The following ERC1 variants were observed in gnomAD, a reference collection of about 807,000 sequenced individuals.
ERC1 encodes ELKS/RAB6-interacting/CAST family member 1, also known as RAB6 interacting protein 2.
In ERC1, 56 loss-of-function variants were observed where a neutral mutation model predicts 132.0. The ratio of observed to expected loss-of-function variants is 0.42; its 90% CI spans 0.34 to 0.53. The LOEUF is 0.53. ERC1 is among the 20% of genes least tolerant of loss of function. The pLI, the probability that ERC1 is intolerant of heterozygous loss-of-function variation, is 0.03. For synonymous variants in ERC1, 478 were observed against 476.1 expected (o/e 1.00, Z -0.05); for missense variants, 1,202 against 1,349.9 (o/e 0.89, Z 1.72).
intron 16 of ERC1, among the ~76,000 whole-genome samples, chr12:1,395,107 A>G (rs1294748615): frequency 2.0e-5 from 3 of 152,218 alleles, no homozygotes; most frequent in Non-Finnish European, 2.9e-5. Flanking sequence ...ATTGGATTGC[A>G]TTAGGTTTAT....
chr12:1,107,465 A>G (rs1945385588), intron 4 of ERC1, among the ~76,000 whole-genome samples: 1 of 152,156 alleles, frequency 6.6e-6, no homozygotes, highest in Admixed American at 6.5e-5. Context: ...ATTCTCTGTG[A>G]GGTTGAACAG....
In ERC1 at chr12:1,138,209, T is replaced by TATATATATCATATATA. The variant is rs1184750374; in HGVS notation, c.1570-3409_1570-3408insATATATCATATATAAT. Among the ~76,000 whole-genome samples the TATATATATCATATATA allele has an allele frequency of 3.0e-4, 34 of 113,208 alleles. No homozygotes were observed. The South Asian group carries it at 7.9e-3, about 26-fold the overall frequency. The allele number at this position is 113,208 out of a possible 152,430, so 74.3% of individuals were successfully genotyped here. On this transcript the variant is annotated intron_variant, in intron 7 of 18. Transcript: ENST00000360905. ...ATCATATATAATTATATATGATATA[T>TATATATATCATATATA]ATTATATAATATATATCATGTATAA...
chr12:1,313,307 G>A (rs1318455399), intron 15 of ERC1, among the ~76,000 whole-genome samples: 31 of 152,152 alleles, frequency 2.0e-4, no homozygotes, highest in African/African-American at 1.2e-4. Flanking sequence ...ACTTTGTAGC[G>A]TGCCCACCCT....
chr12:1,325,133 C>CAG (rs2082359942), intron 15 of ERC1, among the ~76,000 whole-genome samples: 1 of 152,162 alleles, frequency 6.6e-6, no homozygotes, highest in African/African-American at 2.4e-5. Context: ...AGAAGCTCTT[C>CAG]AGCTTCCCTT....
intron 13 of ERC1, among the ~76,000 whole-genome samples, chr12:1,260,155 G>A (rs1448688981): frequency 6.6e-6 from 1 of 152,042 alleles, no homozygotes; most frequent in African/African-American, 2.4e-5. Flanking sequence ...TTTTTGGGGG[G>A]ATTTTGCATT....
intron 16 of ERC1, among the ~76,000 whole-genome samples, chr12:1,383,864 T>C (rs2089003836): frequency 6.6e-6 from 1 of 152,220 alleles, no homozygotes; most frequent in African/African-American, 2.4e-5. Context: ...TTGAGTTCTT[T>C]ATGTGAATTA....
At chr12:1,377,699 T>C (rs562288455) in intron 16 of ERC1, among the ~76,000 whole-genome samples, 2 of 152,358 alleles carry the variant, frequency 1.3e-5, no homozygotes, top group East Asian at 1.9e-4. Context: ...ATATCATCTA[T>C]CTTTTCCTCC....
At chr12:1,358,759 A>G (rs2085784700) in intron 15 of ERC1, among the ~76,000 whole-genome samples, 1 of 152,162 alleles carries the variant, frequency 6.6e-6, no homozygotes, top group South Asian at 2.1e-4. Context: ...AGACTGAATT[A>G]TGTCTTAAAT....
At chr12:1,387,068 T>TTTTGGAATGAGAATGTCTATTATA (rs2089455816) in intron 16 of ERC1, 2 of 151,444 alleles carry the variant, frequency 1.3e-5, no homozygotes, top group African/African-American at 4.9e-5. Flanking sequence ...AGTTTTTCCC[T>TTTTGGAATGAGAATGTCTATTATA]TTTGGAATGA....
At chr12:1,047,237 A>G (rs568492527) in intron 2 of ERC1, among the ~76,000 whole-genome samples, 2 of 152,326 alleles carry the variant, frequency 1.3e-5, no homozygotes, top group African/African-American at 4.8e-5. Context: ...TTTCTCTATC[A>G]TAAATATTTA....
chr12:1,384,139 A>G (rs913062184), intron 16 of ERC1, among the ~76,000 whole-genome samples: 35 of 152,246 alleles, frequency 2.3e-4, no homozygotes, highest in Non-Finnish European at 1.6e-4. Context: ...ACTCTGTTGT[A>G]ATAAATAGTA....
At chr12:1,420,297 A>G (rs965858355) in intron 17 of ERC1, among the ~76,000 whole-genome samples, 13 of 152,318 alleles carry the variant, frequency 8.5e-5, no homozygotes, top group African/African-American at 2.2e-4. Context: ...CAATAGAGAT[A>G]CAAATTTGGA....
chr12:1,219,138 G>A (rs747401972), intron 12 of ERC1, among the ~76,000 whole-genome samples: 10 of 152,110 alleles, frequency 6.6e-5, no homozygotes, highest in Non-Finnish European at 1.5e-4. Context: ...CTCCCAAAGT[G>A]CTGGAATTAC....
intron 7 of ERC1, among the ~76,000 whole-genome samples, chr12:1,121,540 AT>A (rs1947083561): frequency 6.6e-6 from 1 of 152,204 alleles, no homozygotes; most frequent in South Asian, 2.1e-4. Flanking sequence ...GAAGAGAAAG[AT>A]GTATTGATTG....
intron 1 of ERC1, among the ~76,000 whole-genome samples, chr12:1,004,050 G>A (rs1962988935): frequency 6.6e-6 from 1 of 152,098 alleles, no homozygotes; most frequent in African/African-American, 2.4e-5. Flanking sequence ...AGGAAGATAG[G>A]GAAGAGGTGA....
chr12:1,338,880 C>G lies in ERC1; in HGVS notation c.2781-32953C>G, dbSNP rs1036507726. On this transcript the variant is annotated intron_variant, in intron 15 of 18. Transcript: ENST00000360905. ...TTGGGGGACTTATATTGGGCAATGA[C>G]TTTGTTCTCTGGCTCCTCTGAGGTT... is the stretch of plus-strand genomic sequence containing the variant. Among the ~76,000 whole-genome samples the G allele has an allele frequency of 3.9e-5, 6 of 152,184 alleles. No homozygotes were observed. The East Asian group carries it at 1.2e-3, about 29-fold the overall frequency.
intron 13 of ERC1, among the ~76,000 whole-genome samples, chr12:1,242,144 G>T (rs918855289): frequency 6.6e-6 from 1 of 151,890 alleles, no homozygotes; most frequent in Non-Finnish European, 1.5e-5. Flanking sequence ...CAGCCTTTTT[G>T]CATTTCTTTT....
chr12:1,483,297 CA>C (rs1398808990), intron 18 of ERC1, among the ~76,000 whole-genome samples: 7 of 151,766 alleles, frequency 4.6e-5, no homozygotes, highest in African/African-American at 1.5e-4. Context: ...GACCCTGTCT[CA>C]AAAATAAAAA....
rs925024629 is a variant in ERC1 at position 1,298,312 on chromosome 12, C to T, written c.2780+8300C>T. Among the ~76,000 whole-genome samples, 6 of 152,010 alleles carry T rather than the reference C, an allele frequency of 3.9e-5. No homozygotes were observed. The East Asian group carries it at 9.6e-4, about 24-fold the overall frequency. On this transcript the variant is annotated intron_variant, in intron 15 of 18. Coordinates refer to ENST00000360905, the MANE Select transcript of ERC1 (RefSeq NM_178040.4). ...ATCCCAGCACTTTGGGAGCCCAAGGCGCACGGATCACTTGAGGTCAGGAGT... is the reference window on the plus strand; with the variant it reads ...ATCCCAGCACTTTGGGAGCCCAAGGTGCACGGATCACTTGAGGTCAGGAGT...
Sources: gnomAD v4.1 joint callset for allele counts (sites outside exome capture counted in the v4.1 genomes callset) on GRCh38, gnomAD v4.1.1 for gene constraint, MANE v1.5 for transcripts, NCBI Gene and HGNC (gene_info 2026-07-23, HGNC 2026-07-21) for gene names.